Variants in EXOSC6 observed in about 807,000 individuals in gnomAD.
EXOSC6 encodes exosome complex component MTR3.
In EXOSC6, 21 loss-of-function variants were observed where a neutral mutation model predicts 16.7. The ratio of observed to expected loss-of-function variants is 1.26; its 90% CI spans 0.89 to 1.82. The LOEUF (loss-of-function observed/expected upper bound fraction) is 1.82. Ranked by LOEUF, EXOSC6 falls within the 40% of genes most tolerant of loss-of-function variation. The pLI is 0.00. For synonymous variants in EXOSC6, 297 were observed against 217.1 expected (o/e 1.37, Z -3.24); for missense variants, 538 against 415.7 (o/e 1.29, Z -2.56).
chr16:70,251,219 T>C lies in EXOSC6; in HGVS notation c.682A>G (p.Ser228Gly). The change falls in exon 1 of 1, where the codon AGC (serine) becomes GGC (glycine). Residue 228 changes from serine to glycine, a missense_variant. Coordinates refer to ENST00000435634, the MANE Select transcript of EXOSC6 (RefSeq NM_058219.3). ...CTCTCTGTCAGGCCGCCCTCGCCGCTGCCCAGCAGCCCGGCCACCTGATTC... is the reference window on the plus strand; with the variant it reads ...CTCTCTGTCAGGCCGCCCTCGCCGCCGCCCAGCAGCCCGGCCACCTGATTC... ...VLNQVAGLLGSGEGGLTESWA... is the reference protein window; with the variant it reads ...VLNQVAGLLGGGEGGLTESWA... 2 of 1,508,054 alleles carry C rather than the reference T, an allele frequency of 1.3e-6. No homozygotes were observed. Among genetic ancestry groups the C allele is most frequent in the Non-Finnish European group, 1.8e-6 (2 of 1,135,872 alleles). 93.4% of individuals were successfully genotyped at this position (1,508,054 alleles called of 1,614,324 possible). A position where few individuals can be genotyped will look rare whatever the true frequency, so the allele number is the denominator to read the frequency against.
At position 70,251,772 on chromosome 16, in the gene EXOSC6, G is replaced by GGT; in HGVS notation, c.128_129insAC (p.Gly44ProfsTer4). 1 of 1,442,572 alleles carries GGT rather than the reference G, an allele frequency of 6.9e-7. No homozygotes were observed. The highest frequency in any genetic ancestry group is 2.9e-5 in the East Asian group (1 of 34,180). 89.4% of individuals were successfully genotyped at this position (1,442,572 alleles called of 1,614,324 possible). A position where few individuals can be genotyped will look rare whatever the true frequency, so the allele number is the denominator to read the frequency against. Reference sequence around the variant, plus strand: ...AGCCCTTGGCCTGGCTCAGCAGCCCGGCGCGCGCGTACACGGGCCGTAGCC... The same window carrying GGT: ...AGCCCTTGGCCTGGCTCAGCAGCCCGGTGCGCGCGCGTACACGGGCCGTAGCC... On this transcript the variant is annotated frameshift_variant, in exon 1 of 1. Transcript: ENST00000435634. LOFTEE classifies it high-confidence loss of function.
At position 70,246,862 on chromosome 16, in the gene EXOSC6, G is replaced by A. The variant is rs758068528; in HGVS notation, c.*4220C>T. 6.1e-5 allele frequency: 35 copies of A among 574,818 alleles called. No individual in the cohort carries two copies. The highest frequency in any genetic ancestry group is 5.0e-4 in the Middle Eastern group (1 of 2,018). The allele number at this position is 574,818 out of a possible 1,614,324, so 35.6% of individuals were successfully genotyped here. A position where few individuals can be genotyped will look rare whatever the true frequency, so the allele number is the denominator to read the frequency against. Reference sequence around the variant, plus strand: ...AATAAAAATGCAGCATTTAACCCTGGAACCTCAAATATCACTGATTATACT... The same window carrying A: ...AATAAAAATGCAGCATTTAACCCTGAAACCTCAAATATCACTGATTATACT... On this transcript the variant is annotated 3_prime_UTR_variant, in exon 1 of 1. Transcript: ENST00000435634.
chr16:70,250,329 C>T lies in EXOSC6; in HGVS notation c.*753G>A, dbSNP rs1959778361. On this transcript the variant is annotated 3_prime_UTR_variant, in exon 1 of 1. Coordinates refer to ENST00000435634, the MANE Select transcript of EXOSC6 (RefSeq NM_058219.3). ...AATACTTTATTCCTGATAAACAATTCGATGTCCTTAAGTCCGCCAATATCA... is the reference window on the plus strand; with the variant it reads ...AATACTTTATTCCTGATAAACAATTTGATGTCCTTAAGTCCGCCAATATCA... 1 of 152,152 alleles carries T rather than the reference C, an allele frequency of 6.6e-6. No individual in the cohort carries two copies. The highest frequency in any genetic ancestry group is 1.5e-5 in the Non-Finnish European group (1 of 68,054). The allele number at this position is 152,152 out of a possible 1,614,324, so 9.4% of individuals were successfully genotyped here. A position where few individuals can be genotyped will look rare whatever the true frequency, so the allele number is the denominator to read the frequency against.
chr16:70,251,064 G>C lies in EXOSC6; in HGVS notation c.*18C>G. The C allele has an allele frequency of 6.9e-7, 1 of 1,448,204 alleles. No homozygotes were observed. The highest frequency in any genetic ancestry group is 9.0e-7 in the Non-Finnish European group (1 of 1,112,468). The allele number at this position is 1,448,204 out of a possible 1,614,324, so 89.7% of individuals were successfully genotyped here. On this transcript the variant is annotated 3_prime_UTR_variant, in exon 1 of 1. Coordinates refer to ENST00000435634, the MANE Select transcript of EXOSC6 (RefSeq NM_058219.3). ...GCACGGTCCTCGGCTTGCGTCCGTA[G>C]TTGCTCAGGCTTCTGGTTCAGGGCT...
At position 70,251,902 on chromosome 16, in the gene EXOSC6, G is replaced by A. The variant is rs757822691; in HGVS notation, c.-2C>T. Reference sequence around the variant, plus strand: ...GATGCGGCGGTGATCCCCAGGCATGGCGGTTCTTGGCGTGCGAACCCCTTC... The same window carrying A: ...GATGCGGCGGTGATCCCCAGGCATGACGGTTCTTGGCGTGCGAACCCCTTC... On this transcript the variant is annotated 5_prime_UTR_variant, in exon 1 of 1. Coordinates refer to ENST00000435634, the MANE Select transcript of EXOSC6 (RefSeq NM_058219.3). The A allele has an allele frequency of 4.6e-6, 7 of 1,521,530 alleles. No individual in the cohort carries two copies. The South Asian group carries it at 7.2e-5, about 16-fold the overall frequency. 94.3% of individuals were successfully genotyped at this position (1,521,530 alleles called of 1,614,324 possible).
rs1959830944 is a variant in EXOSC6 at position 70,251,801 on chromosome 16, T to A, written c.100A>T (p.Thr34Ser). ...EEEAPGTRDP[T>S]RLRPVYARAG... is the part of the protein sequence containing the mutation. ...CGCGCGTACACGGGCCGTAGCCGCG[T>A]TGGGTCGCGGGTGCCGGGCGCCTCC... Residue 34 changes from threonine to serine, a missense_variant, in exon 1 of 1, where the codon ACG becomes TCG. Thr to Ser is a moderately conservative substitution (Grantham distance 58). Transcript: ENST00000435634. 17 of 1,511,976 alleles carry A rather than the reference T, an allele frequency of 1.1e-5. No individual in the cohort carries two copies. In the East Asian group the frequency reaches 4.6e-4, roughly 41 times the overall value. The allele number at this position is 1,511,976 out of a possible 1,614,324, so 93.7% of individuals were successfully genotyped here.
rs1411773967 is a variant in EXOSC6, at chr16:70,249,028, A to C, written c.*2054T>G. 6 of 149,776 alleles carry C rather than the reference A, an allele frequency of 4.0e-5. No individual in the cohort carries two copies. Among genetic ancestry groups the C allele is most frequent in the Admixed American group, 1.3e-4 (2 of 15,106 alleles). The allele number at this position is 149,776 out of a possible 1,614,324, so 9.3% of individuals were successfully genotyped here. A position where few individuals can be genotyped will look rare whatever the true frequency, so the allele number is the denominator to read the frequency against. On this transcript the variant is annotated 3_prime_UTR_variant, in exon 1 of 1. Coordinates refer to ENST00000435634, the MANE Select transcript of EXOSC6 (RefSeq NM_058219.3). Reference sequence around the variant, plus strand: ...ATCAAAAACTGTAAAAAAAAAAAAAAAAAACCCTAATATCAGATATTCCAG... The same window carrying C: ...ATCAAAAACTGTAAAAAAAAAAAAACAAAACCCTAATATCAGATATTCCAG...
Position 70,251,426 on chromosome 16 carries a change from C to A in EXOSC6, c.475G>T (p.Ala159Ser). The A allele has an allele frequency of 7.4e-7, 1 of 1,345,082 alleles. No homozygotes were observed. The highest frequency in any genetic ancestry group is 9.5e-7 in the Non-Finnish European group (1 of 1,052,712). 83.3% of individuals were successfully genotyped at this position (1,345,082 alleles called of 1,614,324 possible). The change falls in exon 1 of 1, where the codon GCC becomes TCC. Residue 159 changes from alanine (A) to serine (S), a missense_variant. Transcript: ENST00000435634. ...LLLEDGGSAL[A>S]AALTAAALAL... ...AGCGCGGCGGCGGTGAGCGCGGCGGCCAGGGCCGAGCCACCGTCCTCCAGC... is the reference window on the plus strand; with the variant it reads ...AGCGCGGCGGCGGTGAGCGCGGCGGACAGGGCCGAGCCACCGTCCTCCAGC...
rs1251632806 is a variant in EXOSC6, at chr16:70,250,512, T to C, written c.*570A>G. The C allele has an allele frequency of 2.0e-5, 3 of 150,526 alleles. No individual in the cohort carries two copies. Among genetic ancestry groups the C allele is most frequent in the Admixed American group, 6.6e-5 (1 of 15,138 alleles). 9.3% of individuals were successfully genotyped at this position (150,526 alleles called of 1,614,324 possible). On this transcript the variant is annotated 3_prime_UTR_variant, in exon 1 of 1. Transcript: ENST00000435634. ...GGCGAAACCCCATCTCTACTAAAAA[T>C]ACAAAAATTAGCCCGGTATGGAGGC...
At position 70,250,957 on chromosome 16, in the gene EXOSC6, CCA is replaced by C. The variant is rs1410825757; in HGVS notation, c.*123_*124del. On this transcript the variant is annotated 3_prime_UTR_variant, in exon 1 of 1. Transcript: ENST00000435634. ...CCATCTGGCAGTCAGGTCAGTCCAACCACAGTCATATCAGGGCCCTTCCAGGA... is the reference window on the plus strand; with the variant it reads ...CCATCTGGCAGTCAGGTCAGTCCAACCAGTCATATCAGGGCCCTTCCAGGA... The C allele has an allele frequency of 9.1e-5, 116 of 1,274,818 alleles. No individual in the cohort carries two copies. The highest frequency in any genetic ancestry group is 1.1e-4 in the Non-Finnish European group (106 of 972,704). 79.0% of individuals were successfully genotyped at this position (1,274,818 alleles called of 1,614,324 possible).
Position 70,247,693 on chromosome 16 carries a change from T to A in EXOSC6, c.*3389A>T, listed in dbSNP as rs148016537. The A allele has an allele frequency of 3.6e-3, 550 of 152,232 alleles. 2 individuals carry two copies. The highest frequency in any genetic ancestry group is 0.012 in the African/African-American group (493 of 41,524). 9.4% of individuals were successfully genotyped at this position (152,232 alleles called of 1,614,324 possible). A position where few individuals can be genotyped will look rare whatever the true frequency, so the allele number is the denominator to read the frequency against. On this transcript the variant is annotated 3_prime_UTR_variant, in exon 1 of 1. Coordinates refer to ENST00000435634, the MANE Select transcript of EXOSC6 (RefSeq NM_058219.3). ...TTATTTTGCAGCTGTTAAAAGACAT[T>A]TTTCCCTAAAAAAAGAAAAGCTGTG...
Position 70,251,505 on chromosome 16 carries a change from C to G in EXOSC6, c.396G>C (p.Pro132=), listed in dbSNP as rs775899457. 40 of 1,285,006 alleles carry G rather than the reference C, an allele frequency of 3.1e-5. No individual in the cohort carries two copies. Among genetic ancestry groups the G allele is most frequent in the Admixed American group, 2.1e-4 (6 of 28,872 alleles). The allele number at this position is 1,285,006 out of a possible 1,614,324, so 79.6% of individuals were successfully genotyped here. ...GCGGGTAGCGGCCCAGGCGCACAGC[C>G]GGCTCCAGCGCCTCCTGCAGCGCCA... ...LALALQEALE[P]AVRLGRYPRA... is the part of the protein sequence containing the mutation. The change falls in exon 1 of 1, where the codon CCG becomes CCC. Residue 132 remains proline (P), a synonymous_variant. Coordinates refer to ENST00000435634, the MANE Select transcript of EXOSC6 (RefSeq NM_058219.3).
chr16:70,251,663 C>G lies in EXOSC6; in HGVS notation c.238G>C (p.Gly80Arg), dbSNP rs1959826274. The G allele has an allele frequency of 8.2e-7, 1 of 1,216,398 alleles. No homozygotes were observed. The highest frequency in any genetic ancestry group is 1.6e-5 in the African/African-American group (1 of 62,862). The allele number at this position is 1,216,398 out of a possible 1,614,324, so 75.4% of individuals were successfully genotyped here. Reference sequence around the variant, plus strand: ...GCCTCGCCGCCTGCTCCGGCCGGGCCGCCGCCGCGCTCGCCGCCCTCGGCC... The same window carrying G: ...GCCTCGCCGCCTGCTCCGGCCGGGCGGCCGCCGCGCTCGCCGCCCTCGGCC... ...RQAEGGERGG[G>R]PAGAGGEAPA... Residue 80 changes from glycine (G) to arginine (R), a missense_variant, in exon 1 of 1, where the codon GGC becomes CGC. Coordinates refer to ENST00000435634, the MANE Select transcript of EXOSC6 (RefSeq NM_058219.3).
rs1167677745 is a variant in EXOSC6 at position 70,249,067 on chromosome 16, A to G, written c.*2015T>C. ...CAGATATTCCAGACACAACAATACC[A>G]TAATTTAATCACTTAAAATCTTACT... On this transcript the variant is annotated 3_prime_UTR_variant, in exon 1 of 1. Coordinates refer to ENST00000435634, the MANE Select transcript of EXOSC6 (RefSeq NM_058219.3). 6.6e-6 allele frequency: 1 copy of G among 151,246 alleles called. No individual in the cohort carries two copies. Among genetic ancestry groups the G allele is most frequent in the South Asian group, 2.1e-4 (1 of 4,812 alleles). 9.4% of individuals were successfully genotyped at this position (151,246 alleles called of 1,614,324 possible).
rs760352967 is a variant in EXOSC6, at chr16:70,248,098, T to C, written c.*2984A>G. 6.6e-6 allele frequency: 1 copy of C among 152,018 alleles called. No individual in the cohort carries two copies. 9.4% of individuals were successfully genotyped at this position (152,018 alleles called of 1,614,324 possible). A position where few individuals can be genotyped will look rare whatever the true frequency, so the allele number is the denominator to read the frequency against. ...AAAACCATTATTTTGCAATAGCCAA[T>C]GTTATAATCTACACAGGCACAGACT... is the stretch of plus-strand genomic sequence containing the variant. On this transcript the variant is annotated 3_prime_UTR_variant, in exon 1 of 1. Transcript: ENST00000435634.
At position 70,250,924 on chromosome 16, in the gene EXOSC6, A is replaced by G; in HGVS notation, c.*158T>C. 1 of 917,680 alleles carries G rather than the reference A, an allele frequency of 1.1e-6. No individual in the cohort carries two copies. Among genetic ancestry groups the G allele is most frequent in the African/African-American group, 1.7e-5 (1 of 57,414 alleles). 56.8% of individuals were successfully genotyped at this position (917,680 alleles called of 1,614,324 possible). A position where few individuals can be genotyped will look rare whatever the true frequency, so the allele number is the denominator to read the frequency against. On this transcript the variant is annotated 3_prime_UTR_variant, in exon 1 of 1. Coordinates refer to ENST00000435634, the MANE Select transcript of EXOSC6 (RefSeq NM_058219.3). ...TTCCAAGTAGTCCCTGCTCCAGACC[A>G]AGTCCCACCATCTGGCAGTCAGGTC...
At position 70,250,962 on chromosome 16, in the gene EXOSC6, G is replaced by T; in HGVS notation, c.*120C>A. On this transcript the variant is annotated 3_prime_UTR_variant, in exon 1 of 1. Coordinates refer to ENST00000435634, the MANE Select transcript of EXOSC6 (RefSeq NM_058219.3). ...TGGCAGTCAGGTCAGTCCAACCACA[G>T]TCATATCAGGGCCCTTCCAGGAATT... 6.2e-6 allele frequency: 8 copies of T among 1,297,924 alleles called. No homozygotes were observed. The highest frequency in any genetic ancestry group is 8.1e-6 in the Non-Finnish European group (8 of 991,718). 80.4% of individuals were successfully genotyped at this position (1,297,924 alleles called of 1,614,324 possible). A position where few individuals can be genotyped will look rare whatever the true frequency, so the allele number is the denominator to read the frequency against.
Position 70,251,526 on chromosome 16 carries a change from C to A in EXOSC6, c.375G>T (p.Ala125=). The change falls in exon 1 of 1, where the codon GCG becomes GCT. Residue 125 remains alanine (A), a synonymous_variant. Coordinates refer to ENST00000435634, the MANE Select transcript of EXOSC6 (RefSeq NM_058219.3). ...CAGCCGGCTCCAGCGCCTCCTGCAGCGCCAGCGCCAGCTCACGCTCCTCGC... is the reference window on the plus strand; with the variant it reads ...CAGCCGGCTCCAGCGCCTCCTGCAGAGCCAGCGCCAGCTCACGCTCCTCGC... ...GGCEERELAL[A]LQEALEPAVR... 1 of 1,243,488 alleles carries A rather than the reference C, an allele frequency of 8.0e-7. No individual in the cohort carries two copies. Among genetic ancestry groups the A allele is most frequent in the South Asian group, 2.6e-5 (1 of 37,896 alleles). The allele number at this position is 1,243,488 out of a possible 1,614,324, so 77.0% of individuals were successfully genotyped here.
rs1281695619 is a variant in EXOSC6, at chr16:70,248,742, A to G, written c.*2340T>C. On this transcript the variant is annotated 3_prime_UTR_variant, in exon 1 of 1. Transcript: ENST00000435634. ...TTCAAGTAGCTGGGACTACAGGTGC[A>G]TACCACCATGCCTGACTTATTTTTT... 4 of 148,984 alleles carry G rather than the reference A, an allele frequency of 2.7e-5. No individual in the cohort carries two copies. Among genetic ancestry groups the G allele is most frequent in the African/African-American group, 9.9e-5 (4 of 40,316 alleles). The allele number at this position is 148,984 out of a possible 1,614,324, so 9.2% of individuals were successfully genotyped here.
Sources: allele counts gnomAD v4.1 joint callset, GRCh38; gene constraint gnomAD v4.1.1; transcripts MANE v1.5; gene names NCBI Gene and HGNC (gene_info 2026-07-23, HGNC 2026-07-21).